Variants in NCKAP5 observed in about 807,000 individuals in gnomAD.
NCKAP5 encodes nck-associated protein 5.
A neutral mutation model predicts 167.0 loss-of-function variants in NCKAP5; 92 were observed. The ratio of observed to expected loss-of-function variants is 0.55; its 90% CI spans 0.47 to 0.66. The LOEUF (loss-of-function observed/expected upper bound fraction) is 0.66. Among genes scored for constraint, NCKAP5 ranks in the 30% least tolerant of loss-of-function variants. The pLI is 0.00. For missense variants in NCKAP5, 2,378 were observed against 2,315.0 expected, an observed-to-expected ratio of 1.03 and a Z score of -0.56; for synonymous variants, 891 against 877.4, an observed-to-expected ratio of 1.02 and a Z score of -0.27.
At chr2:132,746,825 G>A (rs1679685353) in intron 16 of NCKAP5, among the ~76,000 whole-genome samples, 1 of 152,114 alleles carries the variant, frequency 6.6e-6, no homozygotes, top group Non-Finnish European at 1.5e-5. Flanking sequence ...CAACATGGAT[G>A]ACCCTCAAAA....
At chr2:133,320,676 C>T (rs898666149) in intron 3 of NCKAP5, among the ~76,000 whole-genome samples, 5 of 151,130 alleles carry the variant, frequency 3.3e-5, no homozygotes, top group Non-Finnish European at 5.9e-5. Context: ...TGCAGTGAGC[C>T]GAGATCACAC....
chr2:133,287,240 G>T (rs377128671), intron 4 of NCKAP5, among the ~76,000 whole-genome samples: 3 of 152,038 alleles, frequency 2.0e-5, no homozygotes, highest in East Asian at 3.9e-4. Flanking sequence ...TGTGAACCTT[G>T]TACCATTTTA....
chr2:133,177,203 G>A (rs2084507441), intron 5 of NCKAP5, among the ~76,000 whole-genome samples: 1 of 134,744 alleles, frequency 7.4e-6, no homozygotes, highest in Non-Finnish European at 1.6e-5. Context: ...AGAAACTTCT[G>A]TAAAATGCAT....
intron 4 of NCKAP5, among the ~76,000 whole-genome samples, chr2:133,288,123 G>A (rs1455457749): frequency 1.3e-5 from 2 of 152,130 alleles, no homozygotes; most frequent in Non-Finnish European, 2.9e-5. Context: ...CTGACTTCCT[G>A]GATAACCAAT....
intron 18 of NCKAP5, among the ~76,000 whole-genome samples, chr2:132,727,010 GC>G (rs1353493438): frequency 6.6e-6 from 1 of 152,204 alleles, no homozygotes; most frequent in African/African-American, 2.4e-5. Flanking sequence ...CAGGCATCGT[GC>G]CAGGTACTAG....
At chr2:133,523,916 A>G (rs1337673371) in intron 2 of NCKAP5, among the ~76,000 whole-genome samples, 1 of 152,158 alleles carries the variant, frequency 6.6e-6, no homozygotes, top group East Asian at 1.9e-4. Context: ...AACCTGGGGA[A>G]CTGTTAAAAA....
chr2:132,769,167 T>C (rs1681801070), intron 16 of NCKAP5, among the ~76,000 whole-genome samples: 1 of 150,528 alleles, frequency 6.6e-6, no homozygotes, highest in Admixed American at 6.6e-5. Context: ...AGGCTGGTCT[T>C]GAACTCCTGG....
chr2:133,045,713 A>G (rs1055088717), intron 6 of NCKAP5, among the ~76,000 whole-genome samples: 1 of 152,208 alleles, frequency 6.6e-6, no homozygotes, highest in South Asian at 2.1e-4. Context: ...ACAATAATTA[A>G]TAATAAACTA....
Position 132,731,818 on chromosome 2 carries a change from C to A in NCKAP5, c.5362G>T (p.Val1788Phe). ...ATGATGGGGTCGGATGTGGAATGAA[C>A]AATGGCGCTATCTGCAGGGCGCTGG... ...DGQRPADSAI[V>F]HSTSDPIMTA... Residue 1788 changes from valine to phenylalanine, a missense_variant, in exon 17 of 20, where the codon GTT becomes TTT. Physicochemically the swap from Val to Phe is conservative, Grantham distance 50. Transcript: ENST00000409261. 1 of 1,613,940 alleles carries A rather than the reference C, an allele frequency of 6.2e-7. No homozygotes were observed. Among genetic ancestry groups the A allele is most frequent in the African/African-American group, 1.3e-5 (1 of 75,022 alleles).
chr2:132,844,377 C>G (rs1688514875), intron 11 of NCKAP5, among the ~76,000 whole-genome samples: 1 of 152,098 alleles, frequency 6.6e-6, no homozygotes, highest in Admixed American at 6.6e-5. Flanking sequence ...ACTTGGCCAC[C>G]CCTCATCCTA....
At chr2:133,353,833 A>T (rs1407892806) in intron 3 of NCKAP5, among the ~76,000 whole-genome samples, 1 of 152,142 alleles carries the variant, frequency 6.6e-6, no homozygotes, top group Admixed American at 6.5e-5. Context: ...CCCCACTTCC[A>T]GCTCCCCATC....
At chr2:132,803,297 A>T (rs749352625) in intron 11 of NCKAP5, among the ~76,000 whole-genome samples, 1 of 152,166 alleles carries the variant, frequency 6.6e-6, no homozygotes, top group Non-Finnish European at 1.5e-5. Context: ...CCTTGTTGCA[A>T]TTATTATTTT....
intron 5 of NCKAP5, among the ~76,000 whole-genome samples, chr2:133,202,479 A>G (rs1258179565): frequency 1.3e-5 from 2 of 152,206 alleles, no homozygotes; most frequent in Non-Finnish European, 2.9e-5. Flanking sequence ...AGGCATGGAC[A>G]AGGACTTCAG....
intron 8 of NCKAP5, among the ~76,000 whole-genome samples, chr2:132,949,597 C>T (rs1374947667): frequency 6.6e-6 from 1 of 152,170 alleles, no homozygotes; most frequent in Non-Finnish European, 1.5e-5. Flanking sequence ...GGCATGGCAT[C>T]CCCCTCCTTC....
chr2:133,209,027 C>T (rs1048314506), intron 5 of NCKAP5, among the ~76,000 whole-genome samples: 10 of 151,814 alleles, frequency 6.6e-5, no homozygotes, highest in African/African-American at 2.4e-4. Context: ...TCTCTCTGAT[C>T]TCTACCTCAT....
chr2:132,910,595 G>C (rs1039000014), intron 8 of NCKAP5, among the ~76,000 whole-genome samples: 1 of 152,106 alleles, frequency 6.6e-6, no homozygotes, highest in African/African-American at 2.4e-5. Flanking sequence ...CAAATGACTG[G>C]ATCACATTCT....
At chr2:133,557,247 T>G (rs1345793288) in intron 2 of NCKAP5, among the ~76,000 whole-genome samples, 1 of 152,206 alleles carries the variant, frequency 6.6e-6, no homozygotes, top group Non-Finnish European at 1.5e-5. Context: ...ATTTGCACGC[T>G]TGGCACCTGG....
At chr2:132,799,733 T>C (rs1011675586) in intron 11 of NCKAP5, among the ~76,000 whole-genome samples, 1 of 152,110 alleles carries the variant, frequency 6.6e-6, no homozygotes, top group Non-Finnish European at 1.5e-5. Context: ...TGTTTAGTTT[T>C]AAAAAAATAA....
intron 2 of NCKAP5, among the ~76,000 whole-genome samples, chr2:133,552,761 AG>A (rs1220664833): frequency 7.3e-6 from 1 of 137,134 alleles, no homozygotes; most frequent in Middle Eastern, 3.8e-3. Context: ...AAAAAGAAAA[AG>A]AAAAAAAAAA....
Sources: gnomAD v4.1 joint callset for allele counts (sites outside exome capture counted in the v4.1 genomes callset) on GRCh38, gnomAD v4.1.1 for gene constraint, MANE v1.5 for transcripts, NCBI Gene and HGNC (gene_info 2026-07-23, HGNC 2026-07-21) for gene names.